SNX27: variants seen among roughly 807,000 people sequenced by gnomAD.
SNX27 encodes sorting nexin 27.
Under a neutral mutation model 71.6 loss-of-function variants are expected in SNX27, and 22 were observed. That is an observed-to-expected ratio of 0.31 (90% CI 0.22 to 0.44). The LOEUF is 0.44. Ranked by LOEUF, SNX27 falls within the 20% of genes least tolerant of loss-of-function variation. The pLI, the probability that SNX27 is intolerant of heterozygous loss-of-function variation, is 1.00. For synonymous variants in SNX27, 269 were observed against 277.2 expected (o/e 0.97, Z 0.29); for missense variants, 531 against 698.6 (o/e 0.76, Z 2.70).
chr1:151,617,126 G>A (rs1001207267), intron 1 of SNX27, among the ~76,000 whole-genome samples: 3 of 152,044 alleles, frequency 2.0e-5, no homozygotes, highest in Admixed American at 2.0e-4. Context: ...CTATCTGATC[G>A]TCTATACTTT....
rs546276825 is a variant in SNX27, at chr1:151,690,068, C to T, written c.1240-2367C>T. Among the ~76,000 whole-genome samples, 16 of 152,266 alleles carry T rather than the reference C, an allele frequency of 1.1e-4. No homozygotes were observed. In the South Asian group the frequency reaches 2.1e-3, roughly 20 times the overall value. ...TTCACCATGTTGGCCAGGCTGGTCT[C>T]GAACTCCTGACCTCAGGTGATCTGC... On this transcript the variant is annotated intron_variant, in intron 8 of 11. Coordinates refer to ENST00000458013, the MANE Select transcript of SNX27 (RefSeq NM_001330723.2).
Position 151,685,680 on chromosome 1 carries a change from T to TCAA in SNX27, c.1239+2254_1239+2256dup, listed in dbSNP as rs370327658. Among the ~76,000 whole-genome samples, 858 of 152,116 alleles carry TCAA rather than the reference T, an allele frequency of 5.6e-3. 7 individuals are homozygous for TCAA. The highest frequency in any genetic ancestry group is 0.02 in the African/African-American group (818 of 41,474). On this transcript the variant is annotated intron_variant, in intron 8 of 11. Coordinates refer to ENST00000458013, the MANE Select transcript of SNX27 (RefSeq NM_001330723.2). The stretch of plus-strand genomic sequence containing the variant: ...CTGGAAAACACAGTGAGACTCCGTC[T>TCAA]CAACAACAACAACAACAACAAAAAA...
intron 1 of SNX27, chr1:151,613,859 G>A (rs1029291858): frequency 6.6e-6 from 1 of 152,154 alleles, no homozygotes; most frequent in African/African-American, 2.4e-5. Context: ...TCTGCTTACT[G>A]AATCTATGTT....
chr1:151,619,032 A>T (rs1667556574), intron 1 of SNX27, among the ~76,000 whole-genome samples: 1 of 151,992 alleles, frequency 6.6e-6, no homozygotes, highest in Non-Finnish European at 1.5e-5. Flanking sequence ...AACACCTGAA[A>T]TAAGCTTCAC....
rs1188282458 is a variant in SNX27 at position 151,697,598 on chromosome 1, G to A, written c.*3181G>A. 1 of 152,740 alleles carries A rather than the reference G, an allele frequency of 6.5e-6. No individual in the cohort carries two copies. Among genetic ancestry groups the A allele is most frequent in the African/African-American group, 2.4e-5 (1 of 41,446 alleles). 9.5% of individuals were successfully genotyped at this position (152,740 alleles called of 1,614,324 possible). A position where few individuals can be genotyped will look rare whatever the true frequency, so the allele number is the denominator to read the frequency against. ...GCCTTCTTCTCTTCCACCCATGCACGGCCTTGGGTGATGGAGGCGGGTTCC... is the reference window on the plus strand; with the variant it reads ...GCCTTCTTCTCTTCCACCCATGCACAGCCTTGGGTGATGGAGGCGGGTTCC... On this transcript the variant is annotated 3_prime_UTR_variant, in exon 12 of 12. Coordinates refer to ENST00000458013, the MANE Select transcript of SNX27 (RefSeq NM_001330723.2).
intron 2 of SNX27, among the ~76,000 whole-genome samples, chr1:151,656,766 T>G (rs1190780738): frequency 6.6e-6 from 1 of 152,160 alleles, no homozygotes. Context: ...CTATGATATA[T>G]TCACACAACA....
In SNX27 at chr1:151,692,432, T is replaced by TTTTTAACAAAA; in HGVS notation, c.1240-3_1240-2insTTTTAACAAAA. The TTTTTAACAAAA allele has an allele frequency of 6.9e-7, 1 of 1,452,070 alleles. No homozygotes were observed. Among genetic ancestry groups the TTTTTAACAAAA allele is most frequent in the Non-Finnish European group, 9.1e-7 (1 of 1,101,928 alleles). 89.9% of individuals were successfully genotyped at this position (1,452,070 alleles called of 1,614,324 possible). On this transcript the variant is annotated splice_polypyrimidine_tract_variant and splice_region_variant and intron_variant, in intron 8 of 11. Coordinates refer to ENST00000458013, the MANE Select transcript of SNX27 (RefSeq NM_001330723.2). ...TTTTTTTTTTTTTTTTTTTTTTTTT[T>TTTTTAACAAAA]AGTACCTCAACATGCTAAGGACTTG...
chr1:151,641,908 T>C (rs1668784190), intron 2 of SNX27, among the ~76,000 whole-genome samples: 2 of 141,704 alleles, frequency 1.4e-5, no homozygotes, highest in Non-Finnish European at 3.0e-5. Flanking sequence ...ATATGAGATA[T>C]ATATATCAGC....
chr1:151,633,234 T>C (rs1668321185), intron 1 of SNX27, among the ~76,000 whole-genome samples: 1 of 152,160 alleles, frequency 6.6e-6, no homozygotes, highest in Non-Finnish European at 1.5e-5. Flanking sequence ...GCATAGAGTT[T>C]GAGTTTTGGC....
intron 2 of SNX27, among the ~76,000 whole-genome samples, chr1:151,642,761 C>T (rs1239086163): frequency 1.3e-5 from 2 of 151,950 alleles, no homozygotes; most frequent in Non-Finnish European, 2.9e-5. Context: ...GCCTCAGTCT[C>T]CCGAGTAGCT....
At chr1:151,645,697 T>C (rs1669003691) in intron 2 of SNX27, among the ~76,000 whole-genome samples, 1 of 152,218 alleles carries the variant, frequency 6.6e-6, no homozygotes, top group African/African-American at 2.4e-5. Flanking sequence ...TAGAATCTTT[T>C]CCCTATATGT....
Position 151,612,085 on chromosome 1 carries a change from C to T in SNX27, c.-117C>T, listed in dbSNP as rs1433689658. 2 of 1,159,796 alleles carry T rather than the reference C, an allele frequency of 1.7e-6. No individual in the cohort carries two copies. The highest frequency in any genetic ancestry group is 1.6e-5 in the African/African-American group (1 of 62,172). The allele number at this position is 1,159,796 out of a possible 1,614,324, so 71.8% of individuals were successfully genotyped here. ...AGCAGCTCGGTGGCCGAGTCGGTCC[C>T]GCGGCCGGCGGATCGGGCGCGCGCG... is the stretch of plus-strand genomic sequence containing the variant. On this transcript the variant is annotated 5_prime_UTR_variant, in exon 1 of 12. Coordinates refer to ENST00000458013, the MANE Select transcript of SNX27 (RefSeq NM_001330723.2). The surrounding 1 kb of genome is among the most constrained non-coding windows in gnomAD (Gnocchi z 5.2).
At position 151,635,214 on chromosome 1, in the gene SNX27, T is replaced by G. The variant is rs146751032; in HGVS notation, c.312-3674T>G. Among the ~76,000 whole-genome samples the G allele has an allele frequency of 3.5e-3, 537 of 152,354 alleles. 2 individuals are homozygous for G. Among genetic ancestry groups the G allele is most frequent in the Middle Eastern group, 0.017 (5 of 294 alleles). ...ATACTATAACACAAATAGCTACCAT[T>G]TATTGAGTAGTTACCATGTTCTAGA... is the stretch of plus-strand genomic sequence containing the variant. On this transcript the variant is annotated intron_variant, in intron 1 of 11. Transcript: ENST00000458013.
chr1:151,649,363 G>T (rs1454093308), intron 2 of SNX27, among the ~76,000 whole-genome samples: 1 of 151,964 alleles, frequency 6.6e-6, no homozygotes, highest in Non-Finnish European at 1.5e-5. Flanking sequence ...CAGCAAGATT[G>T]CTTGAGGCCA....
intron 7 of SNX27, among the ~76,000 whole-genome samples, chr1:151,682,089 GCTCT>G (rs1239523752): frequency 3.3e-5 from 5 of 152,130 alleles, no homozygotes; most frequent in African/African-American, 1.2e-4. Flanking sequence ...GTCTTTCAGT[GCTCT>G]CTAATTGTTT....
chr1:151,637,340 G>A (rs550695261), intron 1 of SNX27, among the ~76,000 whole-genome samples: 15 of 151,716 alleles, frequency 9.9e-5, no homozygotes, highest in Non-Finnish European at 2.1e-4. Context: ...CACCATGCCC[G>A]GCTAATTTTT....
In SNX27 at chr1:151,694,629, A is replaced by T; in HGVS notation, c.*212A>T. 2.1e-6 allele frequency: 1 copy of T among 470,576 alleles called. No individual in the cohort carries two copies. The highest frequency in any genetic ancestry group is 3.7e-6 in the Non-Finnish European group (1 of 272,966). 29.2% of individuals were successfully genotyped at this position (470,576 alleles called of 1,614,324 possible). A position where few individuals can be genotyped will look rare whatever the true frequency, so the allele number is the denominator to read the frequency against. On this transcript the variant is annotated 3_prime_UTR_variant, in exon 12 of 12. Transcript: ENST00000458013. ...GAACAGCAGATCGGTCAGCACCAGA[A>T]GTCAACTGAGTTAAGGCAGGAAAAG...
intron 2 of SNX27, among the ~76,000 whole-genome samples, chr1:151,642,347 A>G (rs1347388934): frequency 6.6e-6 from 1 of 151,570 alleles, no homozygotes; most frequent in Admixed American, 6.6e-5. Flanking sequence ...AGATTGTGCC[A>G]TTGCACTCCA....
chr1:151,629,089 G>T lies in SNX27; in HGVS notation c.312-9799G>T, dbSNP rs1418324879. ...AGATTTTCTCCTATGTTATCTTTTAGAAGTTTTGTAGATTTGTATTTTTGT... is the reference window on the plus strand; with the variant it reads ...AGATTTTCTCCTATGTTATCTTTTATAAGTTTTGTAGATTTGTATTTTTGT... On this transcript the variant is annotated intron_variant, in intron 1 of 11. Transcript: ENST00000458013. Among the ~76,000 whole-genome samples the T allele has an allele frequency of 2.0e-5, 3 of 151,986 alleles. No homozygotes were observed. In the East Asian group the frequency reaches 5.8e-4, roughly 29 times the overall value.
Sources: allele counts gnomAD v4.1 joint callset (sites outside exome capture counted in the v4.1 genomes callset), GRCh38; gene constraint gnomAD v4.1.1; non-coding constraint Gnocchi (gnomAD v3.1); transcripts MANE v1.5; gene names NCBI Gene and HGNC (gene_info 2026-07-23, HGNC 2026-07-21).